The following CACNA2D1 variants were observed in gnomAD, a reference collection of about 807,000 sequenced individuals.
CACNA2D1 encodes the protein calcium voltage-gated channel auxiliary subunit alpha2delta 1.
CACNA2D1 carries 53 observed loss-of-function variants against 171.5 expected under a neutral mutation model. The ratio of observed to expected loss-of-function variants is 0.31; its 90% CI spans 0.25 to 0.39. The LOEUF (loss-of-function observed/expected upper bound fraction) is 0.39, where lower values mean the gene tolerates loss of function less well. CACNA2D1 is among the 10% of genes least tolerant of loss of function. The pLI, the probability that CACNA2D1 is intolerant of heterozygous loss-of-function variation, is 1.00. For missense variants in CACNA2D1, 903 were observed against 1,299.8 expected, an observed-to-expected ratio of 0.69 and a Z score of 4.69; for synonymous variants, 442 against 443.1, an observed-to-expected ratio of 1.00 and a Z score of 0.03.
intron 4 of CACNA2D1, among the ~76,000 whole-genome samples, chr7:82,169,909 G>A (rs901131924): frequency 6.6e-6 from 1 of 150,834 alleles, no homozygotes; most frequent in Non-Finnish European, 1.5e-5. Flanking sequence ...TGATAGATAT[G>A]CAGACCTTAC....
At chr7:82,317,606 A>G (rs1585465503) in intron 3 of CACNA2D1, among the ~76,000 whole-genome samples, 1 of 152,156 alleles carries the variant, frequency 6.6e-6, no homozygotes, top group Non-Finnish European at 1.5e-5. Context: ...GCTTCTTAAT[A>G]TGCTGATTTA....
Position 81,949,238 on chromosome 7 carries a change from G to A in CACNA2D1, c.*1154C>T, listed in dbSNP as rs766930293. On this transcript the variant is annotated 3_prime_UTR_variant, in exon 39 of 39. Transcript: ENST00000356860. ...TATGTACTTAAAATATCTGTACATA[G>A]GTTATCAGGCGAAAGCATGAATCTG... 6.6e-6 allele frequency: 1 copy of A among 152,010 alleles called. No homozygotes were observed. The highest frequency in any genetic ancestry group is 1.5e-5 in the Non-Finnish European group (1 of 67,954). The allele number at this position is 152,010 out of a possible 1,614,324, so 9.4% of individuals were successfully genotyped here.
intron 6 of CACNA2D1, among the ~76,000 whole-genome samples, chr7:82,095,556 T>C (rs1459488025): frequency 2.0e-5 from 3 of 152,178 alleles, no homozygotes; most frequent in African/African-American, 7.2e-5. Flanking sequence ...GAGAAAACAT[T>C]ATGTACAATA....
chr7:82,196,839 A>T (rs944914455), intron 3 of CACNA2D1, among the ~76,000 whole-genome samples: 1 of 151,900 alleles, frequency 6.6e-6, no homozygotes, highest in East Asian at 1.9e-4. Flanking sequence ...ATATATGTGA[A>T]TAGAGGATGG....
At chr7:82,127,490 A>C (rs76092911) in intron 5 of CACNA2D1, among the ~76,000 whole-genome samples, 12,742 of 152,244 alleles carry the variant, frequency 0.084, 657 homozygotes, top group South Asian at 0.15. Context: ...ATTACTGTAT[A>C]CTATAAAATA....
chr7:82,148,370 G>C (rs1793396729), intron 4 of CACNA2D1, among the ~76,000 whole-genome samples: 2 of 151,500 alleles, frequency 1.3e-5, no homozygotes, highest in Admixed American at 1.3e-4. Flanking sequence ...TTAGAAAAAG[G>C]AATATTGAGA....
chr7:82,414,014 C>A (rs560225153), intron 1 of CACNA2D1, among the ~76,000 whole-genome samples: 1 of 151,910 alleles, frequency 6.6e-6, no homozygotes, highest in African/African-American at 2.4e-5. Flanking sequence ...ACAAATAAAC[C>A]TGGAGGCTAT....
intron 3 of CACNA2D1, among the ~76,000 whole-genome samples, chr7:82,243,910 G>T (rs910454035): frequency 6.6e-6 from 1 of 152,058 alleles, no homozygotes; most frequent in Non-Finnish European, 1.5e-5. Flanking sequence ...CATTTTCCAA[G>T]GTGACCAGAA....
intron 4 of CACNA2D1, among the ~76,000 whole-genome samples, chr7:82,138,175 CTGTTTT>C (rs1584884370): frequency 6.6e-6 from 1 of 151,248 alleles, no homozygotes; most frequent in East Asian, 1.9e-4. Flanking sequence ...AGAAATCTGC[CTGTTTT>C]TGTTTGAGAA....
chr7:82,426,090 C>T (rs953079979), intron 1 of CACNA2D1, among the ~76,000 whole-genome samples: 8 of 151,462 alleles, frequency 5.3e-5, no homozygotes, highest in Admixed American at 1.3e-4. Context: ...AAGATTGCAC[C>T]ACTGCACTCC....
intron 3 of CACNA2D1, among the ~76,000 whole-genome samples, chr7:82,231,787 T>C (rs1802962198): frequency 6.6e-6 from 1 of 152,078 alleles, no homozygotes; most frequent in African/African-American, 2.4e-5. Context: ...ATGTTTACAT[T>C]TTTTCCTAAT....
At chr7:82,116,971 C>A in intron 6 of CACNA2D1, 73 bp downstream of exon 6, 1 of 1,511,066 alleles carries the variant, frequency 6.6e-7, no homozygotes, top group South Asian at 1.1e-5. Context: ...CTTTTTTTTC[C>A]CCCTCAAACA....
intron 3 of CACNA2D1, among the ~76,000 whole-genome samples, chr7:82,210,646 T>A (rs946240556): frequency 9.9e-5 from 15 of 152,184 alleles, no homozygotes; most frequent in Non-Finnish European, 1.6e-4. Context: ...TTTGCAGAAG[T>A]GTCTGTTAGT....
intron 4 of CACNA2D1, among the ~76,000 whole-genome samples, chr7:82,168,745 C>A (rs1795722245): frequency 6.6e-6 from 1 of 151,948 alleles, no homozygotes; most frequent in Non-Finnish European, 1.5e-5. Flanking sequence ...ACCCTACTTG[C>A]CAAGTTATTT....
chr7:82,372,099 T>C (rs1822483111), intron 1 of CACNA2D1, among the ~76,000 whole-genome samples: 1 of 152,194 alleles, frequency 6.6e-6, no homozygotes, highest in Non-Finnish European at 1.5e-5. Flanking sequence ...TTTTTCTATA[T>C]TTAATAAACA....
intron 3 of CACNA2D1, among the ~76,000 whole-genome samples, chr7:82,281,207 C>T (rs776617906): frequency 4.6e-5 from 7 of 152,216 alleles, no homozygotes; most frequent in African/African-American, 7.2e-5. Context: ...CACACCACTA[C>T]TGAAGAGACT....
At chr7:82,011,690 T>G (rs2130922672) in intron 15 of CACNA2D1, among the ~76,000 whole-genome samples, 1 of 152,280 alleles carries the variant, frequency 6.6e-6, no homozygotes, top group Admixed American at 6.5e-5. Flanking sequence ...TTTGCCTATC[T>G]AATCGCATGT....
chr7:82,236,792 T>C (rs1208151061), intron 3 of CACNA2D1, among the ~76,000 whole-genome samples: 1 of 151,924 alleles, frequency 6.6e-6, no homozygotes, highest in Admixed American at 6.6e-5. Flanking sequence ...TTCACCATGT[T>C]CTTAATATTT....
chr7:82,006,727 TGA>T (rs1799158280), intron 16 of CACNA2D1, among the ~76,000 whole-genome samples: 1 of 152,060 alleles, frequency 6.6e-6, no homozygotes, highest in South Asian at 2.1e-4. Context: ...TATGAGAAAG[TGA>T]GAGTTACTCT....
Sources: gnomAD v4.1 joint callset for allele counts (sites outside exome capture counted in the v4.1 genomes callset) on GRCh38, gnomAD v4.1.1 for gene constraint, MANE v1.5 for transcripts, NCBI Gene and HGNC (gene_info 2026-07-23, HGNC 2026-07-21) for gene names.